The following RHBDL3 variants were observed in gnomAD, a reference collection of about 807,000 sequenced individuals.
The protein encoded by RHBDL3 is rhomboid like 3.
In RHBDL3, 28 loss-of-function variants were observed where a neutral mutation model predicts 48.2. The ratio of observed to expected loss-of-function variants is 0.58; its 90% confidence interval spans 0.43 to 0.80. The LOEUF (loss-of-function observed/expected upper bound fraction) is 0.80. RHBDL3 is among the 30% of genes least tolerant of loss of function. The pLI is 0.00. For synonymous variants in RHBDL3, 208 were observed against 232.3 expected (o/e 0.90, Z 0.95); for missense variants, 464 against 542.7 (o/e 0.85, Z 1.44).
intron 3 of RHBDL3, among the ~76,000 whole-genome samples, chr17:32,286,300 C>T (rs2040197153): frequency 6.6e-6 from 1 of 152,208 alleles, no homozygotes. Flanking sequence ...GAGCTCAGGA[C>T]AGCAAGTTAC....
intron 2 of RHBDL3, among the ~76,000 whole-genome samples, chr17:32,275,653 G>A (rs910793346): frequency 6.6e-6 from 1 of 152,176 alleles, no homozygotes; most frequent in Non-Finnish European, 1.5e-5. Context: ...GTTCAGGCCA[G>A]GATGCCTGTC....
intron 8 of RHBDL3, 27 bp from the exon 9 acceptor site, chr17:32,320,931 A>T: frequency 6.3e-7 from 1 of 1,581,786 alleles, no homozygotes; most frequent in Non-Finnish European, 8.7e-7. Context: ...CCCTCCTGTG[A>T]CATCTCTCTG....
intron 2 of RHBDL3, among the ~76,000 whole-genome samples, chr17:32,276,498 G>T (rs1438544697): frequency 6.6e-6 from 1 of 152,132 alleles, no homozygotes. Context: ...CTGTTGGGTG[G>T]GGAGAGCTCT....
At chr17:32,268,952 G>A (rs765469857) in intron 2 of RHBDL3, among the ~76,000 whole-genome samples, 6 of 152,102 alleles carry the variant, frequency 3.9e-5, no homozygotes, top group East Asian at 1.9e-4. Context: ...GAGGATGGAC[G>A]GGAAGAGGGA....
chr17:32,301,929 A>G (rs2040593107), intron 6 of RHBDL3, among the ~76,000 whole-genome samples: 1 of 152,228 alleles, frequency 6.6e-6, no homozygotes, highest in African/African-American at 2.4e-5. Context: ...GTTGAAGAAC[A>G]CCTGCTTTAA....
At chr17:32,288,217 C>T (rs1466110700) in intron 3 of RHBDL3, 1 of 153,086 alleles carries the variant, frequency 6.5e-6, no homozygotes, top group Non-Finnish European at 1.5e-5. Context: ...CTCACTCAGA[C>T]TTCACCTACT....
intron 7 of RHBDL3, among the ~76,000 whole-genome samples, chr17:32,314,381 T>A (rs1294184965): frequency 6.6e-6 from 1 of 151,850 alleles, no homozygotes; most frequent in Non-Finnish European, 1.5e-5. Context: ...TATCGCTTTT[T>A]TTTATTTTTA....
intron 1 of RHBDL3, among the ~76,000 whole-genome samples, chr17:32,267,188 G>T (rs978836558): frequency 1.3e-5 from 2 of 152,132 alleles, no homozygotes; most frequent in East Asian, 3.9e-4. Flanking sequence ...AATGGGGTTG[G>T]GGGGTAGTTT....
chr17:32,271,296 G>A (rs1169740469), intron 2 of RHBDL3, among the ~76,000 whole-genome samples: 4 of 152,080 alleles, frequency 2.6e-5, no homozygotes, highest in Admixed American at 2.6e-4. Context: ...TTATTATATT[G>A]TTTGAGAAAT....
intron 6 of RHBDL3, among the ~76,000 whole-genome samples, chr17:32,301,654 C>G (rs1405160250): frequency 6.6e-6 from 1 of 151,964 alleles, no homozygotes; most frequent in Non-Finnish European, 1.5e-5. Flanking sequence ...AACCCTGTCT[C>G]TACTGAAAAT....
chr17:32,283,472 C>CCT, intron 2 of RHBDL3, among the ~76,000 whole-genome samples: 2 of 151,828 alleles, frequency 1.3e-5, no homozygotes, highest in Admixed American at 6.6e-5. Context: ...TACAGGCGCA[C>CCT]ACCACCACGC....
At chr17:32,270,928 G>A (rs1011009452) in intron 2 of RHBDL3, among the ~76,000 whole-genome samples, 1 of 152,122 alleles carries the variant, frequency 6.6e-6, no homozygotes, top group Non-Finnish European at 1.5e-5. Context: ...CTGACTGGGT[G>A]CTCACACCTG....
chr17:32,267,916 G>A lies in RHBDL3; in HGVS notation c.126G>A (p.Leu42=). 1 of 1,612,138 alleles carries A rather than the reference G, an allele frequency of 6.2e-7. No individual in the cohort carries two copies. Among genetic ancestry groups the A allele is most frequent in the South Asian group, 1.1e-5 (1 of 91,014 alleles). The part of the protein sequence containing the change: ...PAAPEDHWKV[L]FDQFDPGNTG... ...CTCTCTGCCAGCACTGGAAAGTCCT[G>A]TTTGATCAGGTATGTGAGCAGTTAA... is the stretch of plus-strand genomic sequence containing the variant. The change falls in exon 2 of 9, where the codon CTG becomes CTA. Residue 42 remains leucine (L), a synonymous_variant. Transcript: ENST00000269051.
chr17:32,300,119 C>T (rs370893480), intron 6 of RHBDL3, among the ~76,000 whole-genome samples: 66 of 152,302 alleles, frequency 4.3e-4, no homozygotes, highest in Middle Eastern at 6.8e-3. Context: ...CTAAGTGGCT[C>T]GCCCAAGAAG....
rs1597653054 is a variant in RHBDL3 at position 32,294,181 on chromosome 17, C to G, written c.520-113C>G. On this transcript the variant is annotated intron_variant, in intron 4 of 8. Transcript: ENST00000269051. ...CCCTGGCTGTGGGGTATCCCTCTTT[C>G]TCTGAGAAGGAAAGGTGATAACTTC... is the stretch of plus-strand genomic sequence containing the variant. The G allele has an allele frequency of 1.1e-5, 9 of 785,418 alleles. No individual in the cohort carries two copies. The South Asian group carries it at 1.5e-4, about 13-fold the overall frequency. 48.7% of individuals were successfully genotyped at this position (785,418 alleles called of 1,614,324 possible). A position where few individuals can be genotyped will look rare whatever the true frequency, so the allele number is the denominator to read the frequency against.
rs1316059040 is a variant in RHBDL3 at position 32,288,984 on chromosome 17, C to A, written c.487C>A (p.Pro163Thr). The change falls in exon 4 of 9, where the codon CCC (proline) becomes ACC (threonine). Residue 163 changes from proline (P) to threonine (T), a missense_variant. Physicochemically the swap from Pro to Thr is conservative, Grantham distance 38. Coordinates refer to ENST00000269051, the MANE Select transcript of RHBDL3 (RefSeq NM_138328.3). ...YYDSYTCCPP[P>T]WFMITVTLLE... is the part of the protein sequence containing the mutation. ...TGACAGCTACACCTGCTGCCCCCCA[C>A]CCTGGTTCATGATCACAGTCACGCT... 17 of 1,614,080 alleles carry A rather than the reference C, an allele frequency of 1.1e-5. No individual in the cohort carries two copies. The highest frequency in any genetic ancestry group is 1.4e-5 in the Non-Finnish European group (17 of 1,180,052).
rs1480546085 is a variant in RHBDL3, at chr17:32,266,285, C to G, written c.96C>G (p.Pro32=). The G allele has an allele frequency of 2.7e-6, 4 of 1,466,288 alleles. No individual in the cohort carries two copies. Among genetic ancestry groups the G allele is most frequent in the Admixed American group, 2.4e-5 (1 of 40,954 alleles). The allele number at this position is 1,466,288 out of a possible 1,614,324, so 90.8% of individuals were successfully genotyped here. The change falls in exon 1 of 9, where the codon CCC becomes CCG. Residue 32 remains proline, a synonymous_variant. Transcript: ENST00000269051. The part of the protein sequence containing the change: ...ELEPEAEERL[P]AAPEDHWKVL... ...AACCCGAGGCCGAGGAGCGGCTGCCCGCGGCGCCGGAGGACGTGAGTGCCC... is the reference window on the plus strand; with the variant it reads ...AACCCGAGGCCGAGGAGCGGCTGCCGGCGGCGCCGGAGGACGTGAGTGCCC...
chr17:32,297,305 TA>T, intron 5 of RHBDL3, among the ~76,000 whole-genome samples: 1 of 152,160 alleles, frequency 6.6e-6, no homozygotes, highest in South Asian at 2.1e-4. Context: ...CCATCTCTAC[TA>T]AAAATACAAA....
At chr17:32,314,820 T>G (rs2040931861) in intron 7 of RHBDL3, among the ~76,000 whole-genome samples, 1 of 152,166 alleles carries the variant, frequency 6.6e-6, no homozygotes, top group Admixed American at 6.5e-5. Context: ...TGACTCCTGT[T>G]TTCTTCCTCG....
Sources: gnomAD v4.1 joint callset for allele counts (sites outside exome capture counted in the v4.1 genomes callset) on GRCh38, gnomAD v4.1.1 for gene constraint, MANE v1.5 for transcripts, NCBI Gene and HGNC (gene_info 2026-07-23, HGNC 2026-07-21) for gene names.